Variants in PABPC4L observed in about 807,000 individuals in gnomAD.
PABPC4L encodes the protein poly(A) binding protein cytoplasmic 4 like, also known as polyadenylate-binding protein 4-like.
For synonymous variants in PABPC4L, 169 were observed against 164.1 expected, an observed-to-expected ratio of 1.03 and a Z score of -0.23; for missense variants, 452 against 451.4, an observed-to-expected ratio of 1.00 and a Z score of -0.01.
chr4:134,135,130 G>A, the PABPC4L span, among the ~76,000 whole-genome samples: 3 of 152,008 alleles, frequency 2.0e-5, no homozygotes, highest in Non-Finnish European at 4.4e-5. Context: ...GATAAGACAC[G>A]CTAATTAATA....
At chr4:134,129,018 T>C in the PABPC4L span, among the ~76,000 whole-genome samples, 1 of 152,022 alleles carries the variant, frequency 6.6e-6, no homozygotes, top group Non-Finnish European at 1.5e-5. Context: ...ACAGGCATGA[T>C]TAGCTATTCT....
chr4:134,063,339 A>G, the PABPC4L span, among the ~76,000 whole-genome samples: 3 of 152,012 alleles, frequency 2.0e-5, no homozygotes, highest in African/African-American at 7.2e-5. Flanking sequence ...CTTTCTCTTG[A>G]ATCTCATATC....
the PABPC4L span, among the ~76,000 whole-genome samples, chr4:133,994,227 C>G: frequency 2.0e-5 from 3 of 152,198 alleles, no homozygotes; most frequent in African/African-American, 7.2e-5. Context: ...TTCTATATGG[C>G]TGGCTTTTGG....
At chr4:134,193,770 TAAAAG>T (rs1412893568), downstream of PABPC4L, among the ~76,000 whole-genome samples, 1 of 151,810 alleles carries the variant, frequency 6.6e-6, no homozygotes, top group Non-Finnish European at 1.5e-5. Context: ...GAGAGAGGTA[TAAAAG>T]AAACATTAGA....
chr4:134,115,718 T>G, the PABPC4L span, among the ~76,000 whole-genome samples: 1 of 151,804 alleles, frequency 6.6e-6, no homozygotes, highest in African/African-American at 2.4e-5. Context: ...ATGTCAAAAT[T>G]AGTATGGTGA....
At chr4:134,074,890 T>A in the PABPC4L span, among the ~76,000 whole-genome samples, 1 of 152,010 alleles carries the variant, frequency 6.6e-6, no homozygotes, top group Non-Finnish European at 1.5e-5. Context: ...TCCCACTGGG[T>A]CCCTCCCACT....
the PABPC4L span, among the ~76,000 whole-genome samples, chr4:133,964,133 G>A: frequency 6.6e-6 from 1 of 152,020 alleles, no homozygotes; most frequent in East Asian, 1.9e-4. Flanking sequence ...GAAACAAATG[G>A]GAGATATTAC....
chr4:133,990,768 AT>A, the PABPC4L span, among the ~76,000 whole-genome samples: 2 of 152,176 alleles, frequency 1.3e-5, no homozygotes, highest in African/African-American at 2.4e-5. Flanking sequence ...GCAGCGAATG[AT>A]CAAAGGTTGG....
At chr4:134,091,270 G>A in the PABPC4L span, among the ~76,000 whole-genome samples, 1 of 150,962 alleles carries the variant, frequency 6.6e-6, no homozygotes, top group Non-Finnish European at 1.5e-5. Context: ...TATTGCCACT[G>A]TAATTGACTT....
At chr4:134,110,073 C>A in the PABPC4L span, among the ~76,000 whole-genome samples, 1 of 151,852 alleles carries the variant, frequency 6.6e-6, no homozygotes, top group Non-Finnish European at 1.5e-5. Context: ...GCTTTTCTAC[C>A]TGAGGAAAAT....
At chr4:134,117,646 G>A in the PABPC4L span, among the ~76,000 whole-genome samples, 1 of 151,736 alleles carries the variant, frequency 6.6e-6, no homozygotes, top group African/African-American at 2.4e-5. Flanking sequence ...ACACTGAGTT[G>A]ATGTCAGTGT....
At chr4:134,027,610 G>A in the PABPC4L span, among the ~76,000 whole-genome samples, 1 of 152,030 alleles carries the variant, frequency 6.6e-6, no homozygotes, top group Non-Finnish European at 1.5e-5. Context: ...TAATATTGCT[G>A]GATCATATAG....
At chr4:134,094,258 T>C in the PABPC4L span, among the ~76,000 whole-genome samples, 1 of 151,958 alleles carries the variant, frequency 6.6e-6, no homozygotes, top group Admixed American at 6.6e-5. Flanking sequence ...TTGAAAGGTA[T>C]CCTCAACCAA....
At chr4:134,098,704 A>C in the PABPC4L span, among the ~76,000 whole-genome samples, 1 of 151,648 alleles carries the variant, frequency 6.6e-6, no homozygotes, top group African/African-American at 2.4e-5. Flanking sequence ...GAAAATGCAG[A>C]TAGAAATGCT....
At chr4:134,117,854 T>C in the PABPC4L span, among the ~76,000 whole-genome samples, 2 of 151,812 alleles carry the variant, frequency 1.3e-5, no homozygotes, top group African/African-American at 2.4e-5. Context: ...TGCACATTCT[T>C]GCTGCATATG....
At chr4:134,062,239 A>T in the PABPC4L span, among the ~76,000 whole-genome samples, 2 of 152,012 alleles carry the variant, frequency 1.3e-5, no homozygotes, top group Non-Finnish European at 2.9e-5. Flanking sequence ...GAGGTATATC[A>T]GCTTTCTTCA....
At chr4:134,060,722 A>C in the PABPC4L span, among the ~76,000 whole-genome samples, 1 of 151,970 alleles carries the variant, frequency 6.6e-6, no homozygotes, top group South Asian at 2.1e-4. Context: ...ACATATACAC[A>C]GGGAGTATTG....
the PABPC4L span, among the ~76,000 whole-genome samples, chr4:134,009,954 G>T: frequency 1.3e-5 from 2 of 151,964 alleles, no homozygotes; most frequent in African/African-American, 4.8e-5. Context: ...GCAATTACTT[G>T]ACAAGGACAT....
chr4:134,171,973 C>A, the PABPC4L span, among the ~76,000 whole-genome samples: 1 of 151,792 alleles, frequency 6.6e-6, no homozygotes, highest in Non-Finnish European at 1.5e-5. Context: ...CATGAAATAT[C>A]TCTACAATGA....
Sources: allele counts gnomAD v4.1 joint callset (sites outside exome capture counted in the v4.1 genomes callset), GRCh38; gene constraint gnomAD v4.1.1; transcripts MANE v1.5; gene names NCBI Gene and HGNC (gene_info 2026-07-23, HGNC 2026-07-21).